CSMD3: variants seen among roughly 807,000 people sequenced by gnomAD.
CSMD3 encodes CUB and sushi domain-containing protein 3.
In CSMD3, 177 loss-of-function variants were observed where a neutral mutation model predicts 435.2. The ratio of observed to expected loss-of-function variants is 0.41; its 90% CI spans 0.36 to 0.46. The LOEUF is 0.46. Ranked by LOEUF, CSMD3 falls within the 20% of genes least tolerant of loss-of-function variation. The pLI, the probability that CSMD3 is intolerant of heterozygous loss-of-function variation, is 0.34. For missense variants in CSMD3, 4,265 were observed against 4,504.6 expected (o/e 0.95, Z 1.52); for synonymous variants, 1,656 against 1,520.5 (o/e 1.09, Z -2.07).
intron 13 of CSMD3, among the ~76,000 whole-genome samples, chr8:112,788,376 G>A (rs1274554145): frequency 2.6e-5 from 4 of 151,646 alleles, no homozygotes; most frequent in East Asian, 1.9e-4. Flanking sequence ...TTCCCACCAC[G>A]CATCCTAGAA....
chr8:112,347,137 G>A (rs892800585), intron 40 of CSMD3, among the ~76,000 whole-genome samples: 1 of 152,092 alleles, frequency 6.6e-6, no homozygotes, highest in African/African-American at 2.4e-5. Flanking sequence ...GTTCGTAAAT[G>A]TGCTTGTCTT....
intron 1 of CSMD3, among the ~76,000 whole-genome samples, chr8:113,345,057 T>C (rs942566095): frequency 6.6e-6 from 1 of 152,108 alleles, no homozygotes; most frequent in Non-Finnish European, 1.5e-5. Context: ...TTTAGGGTTT[T>C]AAATTTTTAG....
intron 45 of CSMD3, among the ~76,000 whole-genome samples, chr8:112,331,041 A>G (rs1184493887): frequency 1.3e-5 from 2 of 152,006 alleles, no homozygotes; most frequent in Non-Finnish European, 2.9e-5. Context: ...AATAATACTT[A>G]CCTTATAGGG....
intron 32 of CSMD3, among the ~76,000 whole-genome samples, chr8:112,468,987 A>G (rs1818250239): frequency 6.6e-6 from 1 of 152,088 alleles, no homozygotes; most frequent in Admixed American, 6.6e-5. Context: ...CATTTGTCTT[A>G]TTTATAAAAA....
intron 4 of CSMD3, among the ~76,000 whole-genome samples, chr8:113,122,256 T>A (rs1419880796): frequency 6.6e-6 from 1 of 152,128 alleles, no homozygotes; most frequent in African/African-American, 2.4e-5. Context: ...TAAGTCTATA[T>A]TACATTTGGG....
At chr8:112,954,129 T>C (rs2083923870) in intron 8 of CSMD3, among the ~76,000 whole-genome samples, 1 of 151,498 alleles carries the variant, frequency 6.6e-6, no homozygotes, top group African/African-American at 2.4e-5. Flanking sequence ...GTAAGTGAAA[T>C]TGTGTACTTC....
At chr8:113,399,106 T>TATATATATACACAC (rs773585004) in intron 1 of CSMD3, among the ~76,000 whole-genome samples, 1,245 of 94,920 alleles carry the variant, frequency 0.013, 12 homozygotes, top group Non-Finnish European at 0.016. Context: ...TATATATATA[T>TATATATATACACAC]ACACACACAC....
chr8:113,436,541 G>A lies in CSMD3; in HGVS notation c.178+136C>T, dbSNP rs533813397. On this transcript the variant is annotated intron_variant, in intron 1 of 70. Transcript: ENST00000297405. ...ATTTCCTATCTGAGGGGGGGAGAAC[G>A]AGCTGTGAATCAACTCCTTTAGTAT... 1.3e-5 allele frequency: 11 copies of A among 853,242 alleles called. No homozygotes were observed. In the South Asian group the frequency reaches 1.5e-4, roughly 12 times the overall value. The allele number at this position is 853,242 out of a possible 1,614,324, so 52.9% of individuals were successfully genotyped here. A position where few individuals can be genotyped will look rare whatever the true frequency, so the allele number is the denominator to read the frequency against.
chr8:112,437,009 A>G (rs1814428607), intron 32 of CSMD3, among the ~76,000 whole-genome samples: 3 of 152,178 alleles, frequency 2.0e-5, no homozygotes, highest in African/African-American at 7.2e-5. Context: ...AAACTTGGCT[A>G]AAAGACGGGT....
At chr8:112,987,626 A>T (rs1292899809) in intron 6 of CSMD3, among the ~76,000 whole-genome samples, 1 of 152,156 alleles carries the variant, frequency 6.6e-6, no homozygotes, top group Non-Finnish European at 1.5e-5. Flanking sequence ...CACAGTCTCA[A>T]AATGATCTTA....
intron 1 of CSMD3, among the ~76,000 whole-genome samples, chr8:113,388,396 C>T (rs892803781): frequency 2.6e-5 from 4 of 151,018 alleles, no homozygotes; most frequent in Admixed American, 2.6e-4. Flanking sequence ...GTACTATCTC[C>T]TGAAAAAAAA....
intron 1 of CSMD3, among the ~76,000 whole-genome samples, chr8:113,342,728 T>C (rs191101897): frequency 1.6e-4 from 25 of 152,270 alleles, no homozygotes; most frequent in African/African-American, 5.8e-4. Context: ...GGGCTTTCCA[T>C]AGATCTCACT....
At chr8:113,380,912 A>C (rs2094412318) in intron 1 of CSMD3, among the ~76,000 whole-genome samples, 1 of 152,116 alleles carries the variant, frequency 6.6e-6, no homozygotes, top group South Asian at 2.1e-4. Flanking sequence ...AAAAGAAAAA[A>C]AAATGAATAA....
intron 27 of CSMD3, among the ~76,000 whole-genome samples, chr8:112,520,170 G>A (rs993067464): frequency 6.6e-6 from 1 of 151,906 alleles, no homozygotes; most frequent in Non-Finnish European, 1.5e-5. Flanking sequence ...ACTTTAAAAA[G>A]GCAATTAATT....
chr8:113,424,447 T>A (rs1444244624), intron 1 of CSMD3, among the ~76,000 whole-genome samples: 1 of 151,664 alleles, frequency 6.6e-6, no homozygotes, highest in Non-Finnish European at 1.5e-5. Flanking sequence ...TTTAGCTAAT[T>A]TTCTTGCTTT....
At chr8:112,256,706 C>T (rs1014127204) in intron 61 of CSMD3, among the ~76,000 whole-genome samples, 12 of 152,100 alleles carry the variant, frequency 7.9e-5, no homozygotes, top group African/African-American at 2.4e-4. Context: ...ATAAATTTAA[C>T]GATTTTCAAA....
At chr8:112,311,928 G>T (rs1822011373) in intron 49 of CSMD3, among the ~76,000 whole-genome samples, 1 of 152,078 alleles carries the variant, frequency 6.6e-6, no homozygotes, top group Non-Finnish European at 1.5e-5. Flanking sequence ...GTCATAACCT[G>T]TCATTTCTAA....
At chr8:113,101,155 A>G (rs1016539533) in intron 4 of CSMD3, among the ~76,000 whole-genome samples, 2 of 152,140 alleles carry the variant, frequency 1.3e-5, no homozygotes, top group Non-Finnish European at 2.9e-5. Flanking sequence ...GGCTCCACAG[A>G]GGTGTCCCCA....
At chr8:113,264,088 A>G (rs906976934) in intron 3 of CSMD3, among the ~76,000 whole-genome samples, 1 of 151,364 alleles carries the variant, frequency 6.6e-6, no homozygotes, top group African/African-American at 2.4e-5. Context: ...TTTATTTTTT[A>G]TGATGTACCA....
Sources: allele counts gnomAD v4.1 joint callset (sites outside exome capture counted in the v4.1 genomes callset), GRCh38; gene constraint gnomAD v4.1.1; transcripts MANE v1.5; gene names NCBI Gene and HGNC (gene_info 2026-07-23, HGNC 2026-07-21).